The following AGBL4 variants were observed in gnomAD, a reference collection of about 807,000 sequenced individuals.
AGBL4 encodes the protein AGBL carboxypeptidase 4, also known as cytosolic carboxypeptidase 6.
Under a neutral mutation model 66.4 loss-of-function variants are expected in AGBL4, and 58 were observed. That is an observed-to-expected ratio of 0.87 (90% CI 0.71 to 1.09). The LOEUF is 1.09. Among genes scored for constraint, AGBL4 ranks in the 50% least tolerant of loss-of-function variants. The pLI is 0.00. For synonymous variants in AGBL4, 234 were observed against 222.9 expected (o/e 1.05, Z -0.44); for missense variants, 579 against 631.0 (o/e 0.92, Z 0.88).
At chr1:49,128,150 A>G (rs1645804199) in intron 4 of AGBL4, among the ~76,000 whole-genome samples, 1 of 152,080 alleles carries the variant, frequency 6.6e-6, no homozygotes, top group Non-Finnish European at 1.5e-5. Flanking sequence ...ATTTCTAGAG[A>G]TGAAAAAATC....
At chr1:49,097,927 G>A (rs1645136337) in intron 4 of AGBL4, among the ~76,000 whole-genome samples, 1 of 152,212 alleles carries the variant, frequency 6.6e-6, no homozygotes, top group South Asian at 2.1e-4. Context: ...CTGTTACTTA[G>A]GCACAGTCCT....
intron 3 of AGBL4, among the ~76,000 whole-genome samples, chr1:49,367,991 A>G (rs1426350663): frequency 6.6e-6 from 1 of 152,174 alleles, no homozygotes; most frequent in Non-Finnish European, 1.5e-5. Flanking sequence ...CCTATTATGA[A>G]TATTTTATAA....
At chr1:49,426,050 A>G (rs1645651137) in intron 3 of AGBL4, among the ~76,000 whole-genome samples, 1 of 152,184 alleles carries the variant, frequency 6.6e-6, no homozygotes, top group African/African-American at 2.4e-5. Context: ...CATATTTTTC[A>G]TATGAGAGTG....
chr1:48,789,414 G>A (rs986375107), intron 6 of AGBL4, among the ~76,000 whole-genome samples: 2 of 151,756 alleles, frequency 1.3e-5, no homozygotes, highest in Non-Finnish European at 1.5e-5. Context: ...TCAGCCTCCC[G>A]AGTAACTGGG....
chr1:49,565,139 T>G (rs1644161353), intron 3 of AGBL4, among the ~76,000 whole-genome samples: 1 of 152,224 alleles, frequency 6.6e-6, no homozygotes, highest in South Asian at 2.1e-4. Flanking sequence ...CCTGCCTTTT[T>G]TTGTTTTCCA....
chr1:49,845,556 A>T, intron 2 of AGBL4: 1 of 1,598,624 alleles, frequency 6.3e-7, no homozygotes, highest in Non-Finnish European at 8.6e-7. Flanking sequence ...AACACCAGCA[A>T]ATCCACACAG....
chr1:49,364,110 G>A (rs1349750980), intron 3 of AGBL4, among the ~76,000 whole-genome samples: 1 of 152,158 alleles, frequency 6.6e-6, no homozygotes, highest in Admixed American at 6.5e-5. Flanking sequence ...AAGGCAGAGA[G>A]GTAGGAGATG....
At chr1:49,565,402 T>C (rs544246247) in intron 3 of AGBL4, among the ~76,000 whole-genome samples, 6 of 152,332 alleles carry the variant, frequency 3.9e-5, no homozygotes, top group East Asian at 3.9e-4. Context: ...CTAGCCTTGA[T>C]GGTCTTTACA....
chr1:48,538,620 T>C (rs2148258479), intron 12 of AGBL4, among the ~76,000 whole-genome samples: 1 of 152,340 alleles, frequency 6.6e-6, no homozygotes, highest in East Asian at 1.9e-4. Context: ...TCAGACCTTC[T>C]CATCATCTTT....
intron 4 of AGBL4, among the ~76,000 whole-genome samples, chr1:49,074,995 A>G (rs902128163): frequency 2.3e-4 from 35 of 152,380 alleles, no homozygotes; most frequent in Non-Finnish European, 5.0e-4. Flanking sequence ...TAAAATATCT[A>G]GAAATATCAG....
At chr1:48,706,660 A>G (rs913611406) in intron 6 of AGBL4, among the ~76,000 whole-genome samples, 1 of 152,248 alleles carries the variant, frequency 6.6e-6, no homozygotes, top group Non-Finnish European at 1.5e-5. Flanking sequence ...GTAAATAAAA[A>G]AAGTTAGAAA....
At chr1:49,852,181 T>A (rs1430093384) in intron 1 of AGBL4, among the ~76,000 whole-genome samples, 1 of 152,070 alleles carries the variant, frequency 6.6e-6, no homozygotes, top group Admixed American at 6.6e-5. Context: ...CTTTCCCAAA[T>A]CTATCAGAGA....
intron 3 of AGBL4, among the ~76,000 whole-genome samples, chr1:49,681,376 G>T (rs1487249416): frequency 1.3e-5 from 2 of 152,088 alleles, no homozygotes; most frequent in African/African-American, 2.4e-5. Flanking sequence ...GAAGAAAAGG[G>T]GAGGTTACCT....
intron 1 of AGBL4, among the ~76,000 whole-genome samples, chr1:49,965,778 C>T (rs1657504034): frequency 6.6e-6 from 1 of 152,130 alleles, no homozygotes; most frequent in Non-Finnish European, 1.5e-5. Context: ...AGTTGGGCTG[C>T]TTCTTTGACA....
At chr1:49,645,928 TG>T (rs1645879288) in intron 3 of AGBL4, among the ~76,000 whole-genome samples, 1 of 151,560 alleles carries the variant, frequency 6.6e-6, no homozygotes. Context: ...AAAACCCATA[TG>T]ATTACCTAAA....
intron 5 of AGBL4, among the ~76,000 whole-genome samples, chr1:49,008,218 G>T (rs1228145226): frequency 6.6e-6 from 1 of 151,684 alleles, no homozygotes; most frequent in Admixed American, 6.6e-5. Flanking sequence ...AAAGGCAGGG[G>T]TTGCAATCCT....
intron 3 of AGBL4, among the ~76,000 whole-genome samples, chr1:49,591,644 A>C (rs893372787): frequency 3.3e-5 from 5 of 152,208 alleles, no homozygotes; most frequent in Non-Finnish European, 7.3e-5. Flanking sequence ...ATTCTAAGCA[A>C]AAATAACAAA....
intron 3 of AGBL4, among the ~76,000 whole-genome samples, chr1:49,362,893 C>G (rs1224539780): frequency 6.6e-6 from 1 of 152,056 alleles, no homozygotes; most frequent in South Asian, 2.1e-4. Context: ...GTAGGATAAT[C>G]AAGTCTGAAG....
intron 3 of AGBL4, among the ~76,000 whole-genome samples, chr1:49,456,723 C>T (rs987802073): frequency 3.3e-5 from 5 of 151,562 alleles, no homozygotes; most frequent in East Asian, 3.9e-4. Flanking sequence ...TCCCTCGCCC[C>T]GCTCCTACCC....
Sources: gnomAD v4.1 joint callset for allele counts (sites outside exome capture counted in the v4.1 genomes callset) on GRCh38, gnomAD v4.1.1 for gene constraint, MANE v1.5 for transcripts, NCBI Gene and HGNC (gene_info 2026-07-23, HGNC 2026-07-21) for gene names.